TNFAIP8: variants seen among roughly 807,000 people sequenced by gnomAD.
The protein encoded by TNFAIP8 is TNF alpha induced protein 8.
Under a neutral mutation model 13.3 loss-of-function variants are expected in TNFAIP8, and 7 were observed. The observed-to-expected ratio is 0.52, with a 90% CI of 0.30 to 0.99. The LOEUF is 0.99. TNFAIP8 is among the 50% of genes least tolerant of loss of function. TNFAIP8 has a pLI of 0.07. For synonymous variants in TNFAIP8, 94 were observed against 87.6 expected (o/e 1.07, Z -0.41); for missense variants, 258 against 236.9 (o/e 1.09, Z -0.58).
intron 1 of TNFAIP8, among the ~76,000 whole-genome samples, chr5:119,338,346 T>C (rs6883394): frequency 0.1 from 15,945 of 152,184 alleles, 1,033 homozygotes; most frequent in African/African-American, 0.2. Context: ...TAGGGCAGCA[T>C]CAAGCTGTGA....
intron 1 of TNFAIP8, among the ~76,000 whole-genome samples, chr5:119,313,376 T>C (rs983064332): frequency 6.6e-6 from 1 of 152,192 alleles, no homozygotes; most frequent in Non-Finnish European, 1.5e-5. Context: ...ACATGAGGCT[T>C]TGGGGGCCAG....
Position 119,325,203 on chromosome 5 carries a change from G to A in TNFAIP8, c.1+56296G>A, listed in dbSNP as rs150948688. Among the ~76,000 whole-genome samples the A allele has an allele frequency of 5.6e-3, 854 of 152,250 alleles. 9 individuals are homozygous for A. The highest frequency in any genetic ancestry group is 0.038 in the East Asian group (195 of 5,190). ...TATGGGGTCATTGTCATAACCCCGCGCAGTTTCCTTGCACTTGTCCACACT... is the reference window on the plus strand; with the variant it reads ...TATGGGGTCATTGTCATAACCCCGCACAGTTTCCTTGCACTTGTCCACACT... On this transcript the variant is annotated intron_variant, in intron 1 of 1. Transcript: ENST00000274456.
At chr5:119,277,299 T>G (rs1238372183) in intron 1 of TNFAIP8, among the ~76,000 whole-genome samples, 3 of 152,222 alleles carry the variant, frequency 2.0e-5, no homozygotes, top group African/African-American at 7.2e-5. Flanking sequence ...ACTTTTTTCT[T>G]TAAACAATGA....
chr5:119,297,317 G>A (rs1246910646), intron 1 of TNFAIP8, among the ~76,000 whole-genome samples: 12 of 152,080 alleles, frequency 7.9e-5, no homozygotes, highest in South Asian at 2.1e-4. Flanking sequence ...CTTTGTTCTC[G>A]TTGGTTTCAA....
rs150858256 is a variant in TNFAIP8 at position 119,268,890 on chromosome 5, G to A, written c.-17G>A. 2.1e-4 allele frequency: 147 copies of A among 701,676 alleles called. No individual in the cohort carries two copies. The East Asian group carries it at 3.9e-3, about 19-fold the overall frequency. The allele number at this position is 701,676 out of a possible 1,614,324, so 43.5% of individuals were successfully genotyped here. A position where few individuals can be genotyped will look rare whatever the true frequency, so the allele number is the denominator to read the frequency against. On this transcript the variant is annotated 5_prime_UTR_variant, in exon 1 of 2. Coordinates refer to the TNFAIP8 transcript ENST00000274456. ...GCTCGCGCTTCAGCGTCCCGGCGCC[G>A]TCGCGCCACTCCTCCGAGTAAGTGG... is the stretch of plus-strand genomic sequence containing the variant.
At chr5:119,295,912 C>G (rs1193452799) in intron 1 of TNFAIP8, among the ~76,000 whole-genome samples, 1 of 151,478 alleles carries the variant, frequency 6.6e-6, no homozygotes. Context: ...GGAGTTCACT[C>G]ATGATTTGGC....
intron 1 of TNFAIP8, among the ~76,000 whole-genome samples, chr5:119,364,763 TG>T (rs1751768119): frequency 6.6e-6 from 1 of 151,818 alleles, no homozygotes; most frequent in Non-Finnish European, 1.5e-5. Flanking sequence ...CTCTTCATAC[TG>T]GGGGAAAGCT....
At chr5:119,343,964 C>G (rs539792380) in intron 1 of TNFAIP8, among the ~76,000 whole-genome samples, 1 of 152,158 alleles carries the variant, frequency 6.6e-6, no homozygotes, top group Admixed American at 6.5e-5. Flanking sequence ...CTTTTCAAAC[C>G]ACTCATATCT....
At chr5:119,285,167 C>G (rs1397959753) in intron 1 of TNFAIP8, among the ~76,000 whole-genome samples, 1 of 152,066 alleles carries the variant, frequency 6.6e-6, no homozygotes, top group Non-Finnish European at 1.5e-5. Flanking sequence ...CAGGAGGAGG[C>G]GAGCAGGCGA....
At chr5:119,387,817 A>G (rs1271034039) in intron 1 of TNFAIP8, among the ~76,000 whole-genome samples, 1 of 152,232 alleles carries the variant, frequency 6.6e-6, no homozygotes, top group Non-Finnish European at 1.5e-5. Flanking sequence ...GTAAAATAAC[A>G]TTTACACCCT....
chr5:119,321,483 C>T (rs945052407), intron 1 of TNFAIP8, among the ~76,000 whole-genome samples: 1 of 152,146 alleles, frequency 6.6e-6, no homozygotes, highest in African/African-American at 2.4e-5. Flanking sequence ...GTCTGTTTTA[C>T]ATTTCCACTA....
At chr5:119,383,192 C>T (rs918878048) in intron 1 of TNFAIP8, among the ~76,000 whole-genome samples, 2 of 152,164 alleles carry the variant, frequency 1.3e-5, no homozygotes, top group Non-Finnish European at 2.9e-5. Context: ...TGCCCTTGGG[C>T]GGTTGCCAAG....
intron 1 of TNFAIP8, among the ~76,000 whole-genome samples, chr5:119,277,801 G>A (rs1192839887): frequency 1.3e-5 from 2 of 152,222 alleles, no homozygotes; most frequent in East Asian, 3.8e-4. Flanking sequence ...TCAGTGTCTG[G>A]TGAGGGCAGC....
At chr5:119,330,851 G>A (rs796625807) in intron 1 of TNFAIP8, among the ~76,000 whole-genome samples, 17 of 152,120 alleles carry the variant, frequency 1.1e-4, no homozygotes, top group African/African-American at 3.9e-4. Context: ...GACACTCCAG[G>A]CTACCTCCAT....
intron 1 of TNFAIP8, among the ~76,000 whole-genome samples, chr5:119,372,320 C>T (rs756111008): frequency 1.3e-5 from 1 of 79,524 alleles, no homozygotes; most frequent in Non-Finnish European, 2.8e-5. Flanking sequence ...GAGACCCTGT[C>T]TCAAAAAAAA....
At chr5:119,274,293 C>T (rs1351066280) in intron 1 of TNFAIP8, among the ~76,000 whole-genome samples, 1 of 152,238 alleles carries the variant, frequency 6.6e-6, no homozygotes, top group Non-Finnish European at 1.5e-5. Context: ...GAAGTAAGTC[C>T]AGTACCTCAT....
At chr5:119,304,097 T>C (rs1224831704) in intron 1 of TNFAIP8, among the ~76,000 whole-genome samples, 1 of 152,148 alleles carries the variant, frequency 6.6e-6, no homozygotes, top group East Asian at 1.9e-4. Context: ...TTTTCTTTTT[T>C]CCTTTTTTTC....
intron 1 of TNFAIP8, among the ~76,000 whole-genome samples, chr5:119,320,118 C>T (rs1218990232): frequency 6.6e-6 from 1 of 152,114 alleles, no homozygotes; most frequent in Non-Finnish European, 1.5e-5. Flanking sequence ...AAGTAGTGGA[C>T]TGGGAGTAGA....
chr5:119,312,898 A>G (rs1749777937), intron 1 of TNFAIP8, among the ~76,000 whole-genome samples: 1 of 152,190 alleles, frequency 6.6e-6, no homozygotes, highest in South Asian at 2.1e-4. Context: ...TAGATTCTGA[A>G]TAGAATGTAC....
Sources: allele counts gnomAD v4.1 joint callset (sites outside exome capture counted in the v4.1 genomes callset), GRCh38; gene constraint gnomAD v4.1.1; transcripts MANE v1.5; gene names NCBI Gene and HGNC (gene_info 2026-07-23, HGNC 2026-07-21).